Variants in SORCS3 observed in about 807,000 individuals in gnomAD.
SORCS3 encodes VPS10 domain-containing receptor SorCS3.
SORCS3 carries 57 observed loss-of-function variants against 146.3 expected under a neutral mutation model. The ratio of observed to expected loss-of-function variants is 0.39; its 90% CI spans 0.31 to 0.49. SORCS3 has a LOEUF of 0.49. Ranked by LOEUF, SORCS3 falls within the 20% of genes least tolerant of loss-of-function variation. The probability of loss-of-function intolerance (pLI) is 0.92; values close to 1 mark genes in which losing one functional copy is unlikely to be tolerated. For missense variants in SORCS3, 1,341 were observed against 1,575.5 expected (o/e 0.85, Z 2.52); for synonymous variants, 653 against 618.5 (o/e 1.06, Z -0.83).
chr10:105,034,314 T>C (rs569561651), intron 4 of SORCS3, among the ~76,000 whole-genome samples: 1 of 152,094 alleles, frequency 6.6e-6, no homozygotes, highest in South Asian at 2.1e-4. Context: ...GTGTTCTAGA[T>C]AGAGGGAGTA....
intron 3 of SORCS3, among the ~76,000 whole-genome samples, chr10:104,938,608 G>A (rs1390239561): frequency 6.6e-6 from 1 of 152,094 alleles, no homozygotes; most frequent in African/African-American, 2.4e-5. Context: ...TCAGGGCCCT[G>A]TGCAGAAGTC....
At chr10:104,952,375 G>A (rs531956036) in intron 3 of SORCS3, among the ~76,000 whole-genome samples, 1 of 150,068 alleles carries the variant, frequency 6.7e-6, no homozygotes, top group African/African-American at 2.4e-5. Context: ...CAGCAGCATT[G>A]GCTTAACTTC....
At chr10:105,043,228 T>A in intron 5 of SORCS3, 100 bp downstream of exon 5, 1 of 1,019,058 alleles carries the variant, frequency 9.8e-7, no homozygotes, top group Non-Finnish European at 1.5e-6. Flanking sequence ...TGCAGACAAA[T>A]GTGTTCCAGT....
intron 20 of SORCS3, among the ~76,000 whole-genome samples, chr10:105,223,844 A>G (rs1305035921): frequency 3.3e-5 from 5 of 152,228 alleles, no homozygotes; most frequent in Non-Finnish European, 7.3e-5. Flanking sequence ...CATGACCACA[A>G]TTGTATGATA....
Position 105,084,026 on chromosome 10 carries a change from C to T in SORCS3, c.1029-5749C>T, listed in dbSNP as rs2055642593. On this transcript the variant is annotated intron_variant, in intron 5 of 26. Transcript: ENST00000369701. The stretch of plus-strand genomic sequence containing the variant: ...TCTGAGTTTTGTTGCTTCGTGGCTA[C>T]ATGTCTTTGGGCAAGTTGTTTAAGC... 2.0e-5 allele frequency among the ~76,000 whole-genome samples: 3 copies of T among 152,172 alleles called. No individual in the cohort carries two copies. The South Asian group carries it at 6.2e-4, about 32-fold the overall frequency.
chr10:105,143,238 T>C (rs896668578), intron 8 of SORCS3, among the ~76,000 whole-genome samples: 2 of 152,192 alleles, frequency 1.3e-5, no homozygotes, highest in African/African-American at 4.8e-5. Context: ...TACTCTTCCC[T>C]TTGGTAGTTT....
At chr10:104,799,023 C>A (rs140324105) in intron 1 of SORCS3, among the ~76,000 whole-genome samples, 1 of 152,120 alleles carries the variant, frequency 6.6e-6, no homozygotes, top group Admixed American at 6.6e-5. Context: ...GAATGGCAAT[C>A]ATTCATTAAA....
Position 105,247,202 on chromosome 10 carries a change from A to G in SORCS3, c.2993-17A>G, listed in dbSNP as rs778221504. The stretch of plus-strand genomic sequence containing the variant: ...CTCACTCTCCCAGCCTCACTTAAAC[A>G]TTCTCTCTCCCTGCAGAATATTTCC... On this transcript the variant is annotated splice_polypyrimidine_tract_variant and intron_variant, in intron 21 of 26. Coordinates refer to ENST00000369701, the MANE Select transcript of SORCS3 (RefSeq NM_014978.3). 9 of 1,473,724 alleles carry G rather than the reference A, an allele frequency of 6.1e-6. No homozygotes were observed. In the South Asian group the frequency reaches 8.1e-5, roughly 13 times the overall value. 91.3% of individuals were successfully genotyped at this position (1,473,724 alleles called of 1,614,324 possible). A position where few individuals can be genotyped will look rare whatever the true frequency, so the allele number is the denominator to read the frequency against.
At chr10:105,142,344 C>CT (rs1425111698) in intron 8 of SORCS3, among the ~76,000 whole-genome samples, 1 of 152,146 alleles carries the variant, frequency 6.6e-6, no homozygotes, top group African/African-American at 2.4e-5. Context: ...TGCAGACCCC[C>CT]TCTCTCCATA....
intron 1 of SORCS3, among the ~76,000 whole-genome samples, chr10:104,732,358 C>T (rs2016715693): frequency 6.6e-6 from 1 of 152,206 alleles, no homozygotes; most frequent in Admixed American, 6.5e-5. Flanking sequence ...ATTGTTACAT[C>T]AGTGTTCTCT....
chr10:104,678,296 G>C (rs1288045568), intron 1 of SORCS3, among the ~76,000 whole-genome samples: 2 of 152,114 alleles, frequency 1.3e-5, no homozygotes, highest in African/African-American at 4.8e-5. Context: ...GTGACTTATA[G>C]AGAGTTCAGA....
At chr10:104,881,030 G>T (rs1432519967) in intron 2 of SORCS3, among the ~76,000 whole-genome samples, 3 of 152,110 alleles carry the variant, frequency 2.0e-5, no homozygotes, top group Non-Finnish European at 2.9e-5. Flanking sequence ...TCAAAACTAT[G>T]ATTATTTATT....
chr10:104,981,367 T>C (rs2054930607), intron 4 of SORCS3, among the ~76,000 whole-genome samples: 1 of 152,200 alleles, frequency 6.6e-6, no homozygotes, highest in Non-Finnish European at 1.5e-5. Flanking sequence ...TAGGTTATGG[T>C]TGACCAAATT....
chr10:105,023,730 A>G (rs929180048), intron 4 of SORCS3, among the ~76,000 whole-genome samples: 3 of 152,034 alleles, frequency 2.0e-5, no homozygotes, highest in Non-Finnish European at 2.9e-5. Context: ...GATGGGTCCA[A>G]TAGAAACTTG....
At chr10:105,021,258 C>T (rs543381310) in intron 4 of SORCS3, among the ~76,000 whole-genome samples, 1 of 152,220 alleles carries the variant, frequency 6.6e-6, no homozygotes, top group Non-Finnish European at 1.5e-5. Flanking sequence ...GGTGTCATCC[C>T]ATGGTGGAAG....
At chr10:105,098,135 A>C (rs1368593917) in intron 6 of SORCS3, among the ~76,000 whole-genome samples, 2 of 152,196 alleles carry the variant, frequency 1.3e-5, no homozygotes, top group African/African-American at 4.8e-5. Context: ...GCTCTTTAAA[A>C]TATTGATTAA....
chr10:105,070,225 A>G (rs1368177883), intron 5 of SORCS3, among the ~76,000 whole-genome samples: 1 of 152,242 alleles, frequency 6.6e-6, no homozygotes, highest in African/African-American at 2.4e-5. Context: ...TATCATCAGC[A>G]TCTTTACCTT....
In SORCS3 at chr10:105,137,097, A is replaced by G. The variant is rs547918465; in HGVS notation, c.1213-2300A>G. ...CCCAATGCTCCCAGCCTTGCCCTGG[A>G]CTTCTGATAGGAGGTGGAGTGTGCT... is the stretch of plus-strand genomic sequence containing the variant. On this transcript the variant is annotated intron_variant, in intron 7 of 26. Transcript: ENST00000369701. Among the ~76,000 whole-genome samples, 69 of 152,104 alleles carry G rather than the reference A, an allele frequency of 4.5e-4. 2 individuals are homozygous for G. In the South Asian group the frequency reaches 0.011, roughly 24 times the overall value.
chr10:105,066,155 G>GA (rs1300720786), intron 5 of SORCS3, among the ~76,000 whole-genome samples: 5 of 152,194 alleles, frequency 3.3e-5, no homozygotes, highest in East Asian at 3.9e-4. Context: ...TCATCTGGTG[G>GA]AAAAATGCAT....
Sources: allele counts gnomAD v4.1 joint callset (sites outside exome capture counted in the v4.1 genomes callset), GRCh38; gene constraint gnomAD v4.1.1; transcripts MANE v1.5; gene names NCBI Gene and HGNC (gene_info 2026-07-23, HGNC 2026-07-21).